Variants in NCOR1 observed in about 807,000 individuals in gnomAD.
The protein encoded by NCOR1 is nuclear receptor corepressor 1.
NCOR1 carries 63 observed loss-of-function variants against 288.1 expected under a neutral mutation model. That is an observed-to-expected ratio of 0.22 (90% CI 0.18 to 0.27). The LOEUF is 0.27. Ranked by LOEUF, NCOR1 falls within the 10% of genes least tolerant of loss-of-function variation. The pLI, the probability that NCOR1 is intolerant of heterozygous loss-of-function variation, is 1.00. For synonymous variants in NCOR1, 1,007 were observed against 1,065.9 expected (o/e 0.94, Z 1.08); for missense variants, 2,397 against 3,019.2 (o/e 0.79, Z 4.83).
chr17:16,184,248 C>T (rs1198528196), intron 3 of NCOR1, among the ~76,000 whole-genome samples: 1 of 152,092 alleles, frequency 6.6e-6, no homozygotes, highest in Non-Finnish European at 1.5e-5. Context: ...AACTAAAAAG[C>T]TTCTGAAAAC....
At chr17:16,034,648 C>T (rs1185626723) in intron 45 of NCOR1, 117 bp downstream of exon 45, 26 of 924,126 alleles carry the variant, frequency 2.8e-5, no homozygotes, top group Non-Finnish European at 3.8e-5. Flanking sequence ...ATTAATGATA[C>T]AGAAATGGGA....
At chr17:16,035,108 A>AT (rs1468572924) in intron 44 of NCOR1, among the ~76,000 whole-genome samples, 164 bp from the exon 45 acceptor site, 1 of 152,186 alleles carries the variant, frequency 6.6e-6, no homozygotes, top group Non-Finnish European at 1.5e-5. Context: ...TACCTCAGAG[A>AT]TACTGAGGGT....
chr17:16,061,187 G>T (rs567253379), intron 37 of NCOR1, among the ~76,000 whole-genome samples: 46 of 152,260 alleles, frequency 3.0e-4, no homozygotes, highest in African/African-American at 1.1e-3. Flanking sequence ...TTACATGAAT[G>T]ATACAGTTTT....
chr17:16,044,024 C>G (rs1267428142), intron 42 of NCOR1, among the ~76,000 whole-genome samples: 1 of 151,970 alleles, frequency 6.6e-6, no homozygotes, highest in Non-Finnish European at 1.5e-5. Context: ...ACAAAATTAG[C>G]CGGATATGGT....
intron 11 of NCOR1, among the ~76,000 whole-genome samples, chr17:16,142,883 G>C (rs2077349680): frequency 6.6e-6 from 1 of 152,118 alleles, no homozygotes; most frequent in African/African-American, 2.4e-5. Flanking sequence ...TATACAGGCA[G>C]GAAATGCCTG....
chr17:16,127,438 T>C lies in NCOR1; in HGVS notation c.1510-1232A>G, dbSNP rs962927413. ...ATATATACATGTGTATATGTGTATG[T>C]ATATATGTGTATATGTATATATACG... On this transcript the variant is annotated intron_variant, in intron 14 of 45. Coordinates refer to ENST00000268712, the MANE Select transcript of NCOR1 (RefSeq NM_006311.4). Among the ~76,000 whole-genome samples the C allele has an allele frequency of 2.1e-5, 3 of 144,908 alleles. 1 individual carries two copies. The highest frequency in any genetic ancestry group is 7.8e-5 in the African/African-American group (3 of 38,430).
intron 18 of NCOR1, among the ~76,000 whole-genome samples, chr17:16,111,696 G>A (rs1022860677): frequency 6.6e-6 from 1 of 151,192 alleles, no homozygotes; most frequent in African/African-American, 2.4e-5. Flanking sequence ...ACTCTTCCCA[G>A]AATCTCCAAT....
chr17:16,206,276 G>A (rs1482932135), intron 1 of NCOR1, among the ~76,000 whole-genome samples: 7 of 149,580 alleles, frequency 4.7e-5, no homozygotes, highest in Admixed American at 2.0e-4. Context: ...ATATACATAT[G>A]TACATGTGCA....
At chr17:16,183,005 AAC>A (rs1315993030) in intron 3 of NCOR1, among the ~76,000 whole-genome samples, 1 of 152,086 alleles carries the variant, frequency 6.6e-6, no homozygotes, top group Non-Finnish European at 1.5e-5. Context: ...TAAAAAACTC[AAC>A]AGTTTAGGAA....
At chr17:16,083,731 A>G (rs554227674) in intron 23 of NCOR1, among the ~76,000 whole-genome samples, 1 of 152,230 alleles carries the variant, frequency 6.6e-6, no homozygotes, top group South Asian at 2.1e-4. Flanking sequence ...GCATTTATGC[A>G]TATGTTAAAT....
intron 1 of NCOR1, among the ~76,000 whole-genome samples, chr17:16,199,216 A>AAAAAAAC (rs1337668798): frequency 3.4e-4 from 41 of 122,306 alleles, no homozygotes; most frequent in African/African-American, 1.1e-3. Flanking sequence ...AAAAAAAAAA[A>AAAAAAAC]ACACACACAC....
At position 16,061,458 on chromosome 17, in the gene NCOR1, C is replaced by A. The variant is rs2060543750; in HGVS notation, c.5824G>T (p.Ala1942Ser). ...FIDVIITRQI[A>S]SDKDARERGS... is the part of the protein sequence containing the mutation. ...CGTTCCCTCGCATCCTTGTCCGAGG[C>A]AATTTGCCGGGTGATGATCACGTCT... The change falls in exon 37 of 46, where the codon GCC (alanine) becomes TCC (serine). Residue 1942 changes from alanine (A) to serine (S), a missense_variant. Coordinates refer to ENST00000268712, the MANE Select transcript of NCOR1 (RefSeq NM_006311.4). The A allele has an allele frequency of 1.2e-6, 2 of 1,614,086 alleles. No homozygotes were observed. Among genetic ancestry groups the A allele is most frequent in the African/African-American group, 1.3e-5 (1 of 74,934 alleles).
intron 2 of NCOR1, among the ~76,000 whole-genome samples, chr17:16,193,626 A>T (rs904221349): frequency 7.2e-5 from 11 of 152,150 alleles, no homozygotes; most frequent in African/African-American, 2.4e-4. Flanking sequence ...AGCAAAATTC[A>T]ACACCCAATC....
rs1335395640 is a variant in NCOR1, at chr17:16,158,751, T to A, written c.732+9A>T. 6.3e-7 allele frequency: 1 copy of A among 1,590,434 alleles called. No homozygotes were observed. Among genetic ancestry groups the A allele is most frequent in the African/African-American group, 1.3e-5 (1 of 74,414 alleles). ...AAGGCCTGTGCTGCCAGAGATGGTA[T>A]GAGCTTACCCGATTCTCATCATAAA... On this transcript the variant is annotated intron_variant, in intron 6 of 45. Coordinates refer to ENST00000268712, the MANE Select transcript of NCOR1 (RefSeq NM_006311.4).
chr17:16,141,709 C>A (rs2077182739), intron 11 of NCOR1, among the ~76,000 whole-genome samples: 1 of 152,156 alleles, frequency 6.6e-6, no homozygotes, highest in Non-Finnish European at 1.5e-5. Flanking sequence ...TTCATGAGAT[C>A]AAGCAACTTG....
At chr17:16,090,807 C>A (rs949542726) in intron 22 of NCOR1, among the ~76,000 whole-genome samples, 1 of 152,142 alleles carries the variant, frequency 6.6e-6, no homozygotes, top group African/African-American at 2.4e-5. Flanking sequence ...GCAGAGTCAG[C>A]AGGATCAGTT....
intron 18 of NCOR1, among the ~76,000 whole-genome samples, chr17:16,110,145 A>T (rs990771927): frequency 1.3e-5 from 2 of 152,180 alleles, no homozygotes; most frequent in African/African-American, 2.4e-5. Context: ...ACTTGAACTC[A>T]GGAGTTTGAG....
At chr17:16,035,957 A>G (rs1671734539) in intron 44 of NCOR1, among the ~76,000 whole-genome samples, 1 of 152,188 alleles carries the variant, frequency 6.6e-6, no homozygotes, top group South Asian at 2.1e-4. Flanking sequence ...TAATGTTGAT[A>G]TTCTTACCTC....
At chr17:16,096,617 C>CT (rs200599033) in intron 21 of NCOR1, among the ~76,000 whole-genome samples, 79 of 151,534 alleles carry the variant, frequency 5.2e-4, no homozygotes, top group Non-Finnish European at 9.6e-4. Context: ...CATTATATTT[C>CT]TTTTTTTTTC....
Sources: allele counts gnomAD v4.1 joint callset (sites outside exome capture counted in the v4.1 genomes callset), GRCh38; gene constraint gnomAD v4.1.1; transcripts MANE v1.5; gene names NCBI Gene and HGNC (gene_info 2026-07-23, HGNC 2026-07-21).